Variants in OPA1 observed in about 807,000 individuals in gnomAD.
The protein encoded by OPA1 is dynamin-like GTPase OPA1, mitochondrial.
A neutral mutation model predicts 152.9 loss-of-function variants in OPA1; 59 were observed. The ratio of observed to expected loss-of-function variants is 0.39; its 90% CI spans 0.31 to 0.48. The LOEUF (loss-of-function observed/expected upper bound fraction) is 0.48. OPA1 is among the 20% of genes least tolerant of loss of function. OPA1 has a pLI of 0.96. For missense variants in OPA1, 1,008 were observed against 1,216.8 expected (o/e 0.83, Z 2.55); for synonymous variants, 400 against 389.9 (o/e 1.03, Z -0.31).
At chr3:193,636,196 T>C (rs971398795) in intron 9 of OPA1, among the ~76,000 whole-genome samples, 2 of 152,020 alleles carry the variant, frequency 1.3e-5, no homozygotes, top group African/African-American at 4.8e-5. Context: ...CCAAAGATAA[T>C]ACAGTTCTAG....
chr3:193,621,025 TG>T (rs1420193694), intron 6 of OPA1, among the ~76,000 whole-genome samples: 3 of 152,246 alleles, frequency 2.0e-5, no homozygotes, highest in Non-Finnish European at 4.4e-5. Flanking sequence ...CTTTTTTAAC[TG>T]GTTCAGTCTG....
chr3:193,693,014 G>A lies in OPA1; in HGVS notation c.*5+882G>A, dbSNP rs73069778. ...AAGAAGTTGAGGAAAGAAAAATACTGTAGTTAAGTCATTATCACTTCAAAT... is the reference window on the plus strand; with the variant it reads ...AAGAAGTTGAGGAAAGAAAAATACTATAGTTAAGTCATTATCACTTCAAAT... On this transcript the variant is annotated intron_variant, in intron 30 of 30. Coordinates refer to ENST00000361510, the MANE Select transcript of OPA1 (RefSeq NM_130837.3). 7.5e-3 allele frequency among the ~76,000 whole-genome samples: 1,150 copies of A among 152,358 alleles called. 10 individuals are homozygous for A. Among genetic ancestry groups the A allele is most frequent in the African/African-American group, 0.022 (923 of 41,582 alleles).
At chr3:193,632,528 A>G (rs1165638751) in intron 8 of OPA1, among the ~76,000 whole-genome samples, 5 of 152,120 alleles carry the variant, frequency 3.3e-5, no homozygotes, top group Non-Finnish European at 1.5e-5. Context: ...GTTTTTCTAT[A>G]TAGGTGACAC....
chr3:193,682,014 T>G (rs1720221509), intron 29 of OPA1, among the ~76,000 whole-genome samples: 1 of 152,168 alleles, frequency 6.6e-6, no homozygotes. Flanking sequence ...ATGATTAAGC[T>G]TAGTAAAGGA....
At chr3:193,604,983 G>T (rs1241884915) in intron 1 of OPA1, among the ~76,000 whole-genome samples, 1 of 152,108 alleles carries the variant, frequency 6.6e-6, no homozygotes, top group Middle Eastern at 3.2e-3. Context: ...CTCCTTAATA[G>T]GAGAGCATAA....
At chr3:193,607,846 C>T (rs1476497486) in intron 1 of OPA1, among the ~76,000 whole-genome samples, 4 of 152,134 alleles carry the variant, frequency 2.6e-5, no homozygotes, top group Admixed American at 6.6e-5. Context: ...ATAAATTACC[C>T]TGGGCAGTAT....
At position 193,606,799 on chromosome 3, in the gene OPA1, G is replaced by A. The variant is rs1285284087; in HGVS notation, c.33-7924G>A. ...ATATACCCAGTAATGGGATGGCTGGGTCAAACGGTATTTCTAGTTCTAGAT... is the reference window on the plus strand; with the variant it reads ...ATATACCCAGTAATGGGATGGCTGGATCAAACGGTATTTCTAGTTCTAGAT... On this transcript the variant is annotated intron_variant, in intron 1 of 30. Coordinates refer to ENST00000361510, the MANE Select transcript of OPA1 (RefSeq NM_130837.3). Among the ~76,000 whole-genome samples the A allele has an allele frequency of 3.3e-5, 5 of 152,270 alleles. 1 individual carries two copies. Among genetic ancestry groups the A allele is most frequent in the African/African-American group, 9.6e-5 (4 of 41,548 alleles).
intron 13 of OPA1, 95 bp downstream of exon 13, chr3:193,643,144 T>A: frequency 9.6e-7 from 1 of 1,045,548 alleles, no homozygotes; most frequent in Non-Finnish European, 1.5e-6. Context: ...TTTAGATTGC[T>A]GCTATCTAGA....
At chr3:193,654,700 C>G (rs531770415) in intron 21 of OPA1, among the ~76,000 whole-genome samples, 162 bp from the exon 22 acceptor site, 18 of 152,256 alleles carry the variant, frequency 1.2e-4, no homozygotes, top group African/African-American at 4.3e-4. Context: ...TGGATGCGTT[C>G]ATTATCTTGA....
chr3:193,689,112 A>C (rs180969680), intron 29 of OPA1: 167 of 152,364 alleles, frequency 1.1e-3, no homozygotes, highest in African/African-American at 3.8e-3. Context: ...TGAAACGCCA[A>C]ATTTGGAAAT....
At chr3:193,615,391 C>G (rs1306221577) in intron 2 of OPA1, among the ~76,000 whole-genome samples, 4 of 152,134 alleles carry the variant, frequency 2.6e-5, no homozygotes, top group African/African-American at 9.7e-5. Context: ...CGTCCTGTCT[C>G]CCAGTCTGTC....
intron 29 of OPA1, chr3:193,668,442 T>C: frequency 6.4e-7 from 1 of 1,550,688 alleles, no homozygotes; most frequent in Non-Finnish European, 8.7e-7. Context: ...CTCTTCGTCA[T>C]GGAGTCCCTT....
At chr3:193,665,103 G>A (rs1459616135) in intron 27 of OPA1, 107 bp downstream of exon 27, 3 of 686,432 alleles carry the variant, frequency 4.4e-6, no homozygotes, top group Non-Finnish European at 5.2e-6. Context: ...TTGATCATCT[G>A]GGGAAAAAAA....
At chr3:193,619,697 G>C (rs1287011797) in intron 6 of OPA1, 1 of 151,930 alleles carries the variant, frequency 6.6e-6, no homozygotes, top group Non-Finnish European at 1.5e-5. Context: ...CTAGATAATA[G>C]ATTTATAGAA....
rs546588164 is a variant in OPA1 at position 193,693,137 on chromosome 3, A to G, written c.*5+1005A>G. ...AATGTAAAAGGTTCCCTCCCTGGCTACGCTCGGTTCAGGTCAGTTCAGAAA... is the reference window on the plus strand; with the variant it reads ...AATGTAAAAGGTTCCCTCCCTGGCTGCGCTCGGTTCAGGTCAGTTCAGAAA... On this transcript the variant is annotated intron_variant, in intron 30 of 30. Transcript: ENST00000361510. Among the ~76,000 whole-genome samples the G allele has an allele frequency of 9.2e-5, 14 of 152,324 alleles. No homozygotes were observed. In the South Asian group the frequency reaches 2.9e-3, roughly 32 times the overall value.
chr3:193,691,817 A>G (rs1577411001), intron 29 of OPA1: 1 of 395,668 alleles, frequency 2.5e-6, no homozygotes, highest in Non-Finnish European at 4.7e-6. Context: ...TTCCATGTTA[A>G]GAGTCCAGAG....
chr3:193,662,838 C>T lies in OPA1; in HGVS notation c.2537C>T (p.Thr846Ile). ...RTQEQCVHNE[T>I]KNELEKMLKC... ...ATTTTAAAGTGTGTTCACAATGAAACCAAGAATGAATTGGAGAAGATGTTG... is the reference window on the plus strand; with the variant it reads ...ATTTTAAAGTGTGTTCACAATGAAATCAAGAATGAATTGGAGAAGATGTTG... The change falls in exon 26 of 31, where the codon ACC (threonine) becomes ATC (isoleucine). Residue 846 changes from threonine to isoleucine, a missense_variant. By Grantham distance (89) the Thr-to-Ile change is moderately conservative. Transcript: ENST00000361510. 5.0e-6 allele frequency: 8 copies of T among 1,613,152 alleles called. No individual in the cohort carries two copies. The highest frequency in any genetic ancestry group is 6.8e-6 in the Non-Finnish European group (8 of 1,179,360).
At chr3:193,632,297 C>T (rs1022736713) in intron 8 of OPA1, among the ~76,000 whole-genome samples, 1 of 152,090 alleles carries the variant, frequency 6.6e-6, no homozygotes, top group African/African-American at 2.4e-5. Flanking sequence ...CTGGCTAACA[C>T]AGTGAAACCC....
chr3:193,609,830 C>A (rs150210411), intron 1 of OPA1, among the ~76,000 whole-genome samples: 4,586 of 152,244 alleles, frequency 0.03, 67 homozygotes, highest in African/African-American at 0.036. Flanking sequence ...TTGATCGAAT[C>A]GGCTACTGAG....
Sources: allele counts gnomAD v4.1 joint callset (sites outside exome capture counted in the v4.1 genomes callset), GRCh38; gene constraint gnomAD v4.1.1; transcripts MANE v1.5; gene names NCBI Gene and HGNC (gene_info 2026-07-23, HGNC 2026-07-21).